The following ERMP1 variants were observed in gnomAD, a reference collection of about 807,000 sequenced individuals.
The protein encoded by ERMP1 is Felix-ina.
ERMP1 carries 86 observed loss-of-function variants against 92.0 expected under a neutral mutation model. That is an observed-to-expected ratio of 0.93 (90% CI 0.79 to 1.12). The LOEUF (loss-of-function observed/expected upper bound fraction) is 1.12. Among genes scored for constraint, ERMP1 ranks in the 50% most tolerant of loss-of-function variants. The probability of loss-of-function intolerance (pLI) is 0.00; values close to 1 mark genes in which losing one functional copy is unlikely to be tolerated. For synonymous variants in ERMP1, 530 were observed against 412.8 expected, an observed-to-expected ratio of 1.28 and a Z score of -3.44; for missense variants, 1,342 against 1,116.3, an observed-to-expected ratio of 1.20 and a Z score of -2.88.
At chr9:5,809,690 T>C (rs973516722) in intron 8 of ERMP1, among the ~76,000 whole-genome samples, 1 of 152,156 alleles carries the variant, frequency 6.6e-6, no homozygotes, top group Non-Finnish European at 1.5e-5. Context: ...GATATTCAAA[T>C]AACATAAATA....
chr9:5,787,181 G>C lies in ERMP1; in HGVS notation c.2678C>G (p.Ser893Cys), dbSNP rs146929158. ...GAGATCGTAGGTGCACACCCAGGCA[G>C]AGGGAAATGTCCAATCTGGGAACTT... Reference protein sequence around the residue: ...KEKFPDWTFPSAWVCTYDLFV... With the variant: ...KEKFPDWTFPCAWVCTYDLFV... The change falls in exon 15 of 15, where the codon TCT becomes TGT. Residue 893 changes from serine to cysteine, a missense_variant. By Grantham distance (112) the Ser-to-Cys change is moderately radical. Transcript: ENST00000339450. 1.2e-6 allele frequency: 2 copies of C among 1,613,994 alleles called. No individual in the cohort carries two copies. The highest frequency in any genetic ancestry group is 1.7e-5 in the Admixed American group (1 of 60,004).
intron 13 of ERMP1, among the ~76,000 whole-genome samples, chr9:5,796,280 T>C (rs1828421098): frequency 1.3e-5 from 2 of 152,222 alleles, no homozygotes; most frequent in Non-Finnish European, 2.9e-5. Flanking sequence ...AGACTGATAC[T>C]ACCCAACTTC....
chr9:5,847,953 C>G (rs577943501), intron 6 of ERMP1, among the ~76,000 whole-genome samples: 5 of 148,222 alleles, frequency 3.4e-5, no homozygotes, highest in Non-Finnish European at 6.0e-5. Context: ...CAGAACAAAA[C>G]AAACCCCGTA....
chr9:5,828,914 G>T (rs1212980854), intron 2 of ERMP1, among the ~76,000 whole-genome samples: 3 of 152,048 alleles, frequency 2.0e-5, no homozygotes, highest in African/African-American at 7.2e-5. Context: ...AGTGGGCAAA[G>T]AGTGACATTT....
intron 4 of ERMP1, among the ~76,000 whole-genome samples, chr9:5,815,173 G>T (rs548922004): frequency 1.3e-5 from 2 of 152,136 alleles, no homozygotes; most frequent in Non-Finnish European, 2.9e-5. Context: ...AATTCAAAAA[G>T]GTCTACAAAC....
At chr9:5,844,809 T>C (rs960089966) in intron 6 of ERMP1, among the ~76,000 whole-genome samples, 2 of 152,178 alleles carry the variant, frequency 1.3e-5, no homozygotes, top group African/African-American at 2.4e-5. Flanking sequence ...GACAGTCAAG[T>C]TTTCTGGTTG....
intron 13 of ERMP1, among the ~76,000 whole-genome samples, chr9:5,797,150 T>A (rs1400439914): frequency 6.6e-6 from 1 of 151,916 alleles, no homozygotes; most frequent in Admixed American, 6.6e-5. Flanking sequence ...CAGCTCAGCC[T>A]CTCAAGTTCT....
chr9:5,860,484 T>C (rs1044613207), intron 5 of ERMP1, among the ~76,000 whole-genome samples: 13 of 152,114 alleles, frequency 8.5e-5, no homozygotes, highest in African/African-American at 2.9e-4. Context: ...AGTAAATGAA[T>C]GAAGCTCAGA....
chr9:5,823,408 G>A (rs1829615649), intron 4 of ERMP1, among the ~76,000 whole-genome samples: 1 of 152,052 alleles, frequency 6.6e-6, no homozygotes, highest in Admixed American at 6.5e-5. Flanking sequence ...TTTAACTCAT[G>A]AAATGATTGA....
At chr9:5,864,517 C>T (rs1563789028) in intron 5 of ERMP1, among the ~76,000 whole-genome samples, 3 of 152,288 alleles carry the variant, frequency 2.0e-5, no homozygotes, top group African/African-American at 4.8e-5. Context: ...ACCTCACCCC[C>T]GTGGGGAGGG....
At chr9:5,809,862 G>C in intron 8 of ERMP1, 149 bp downstream of exon 8, 1 of 601,196 alleles carries the variant, frequency 1.7e-6, no homozygotes, top group East Asian at 2.8e-5. Context: ...AAATCTTTCA[G>C]AAAATTAACA....
rs370888713 is a variant in ERMP1 at position 5,831,040 on chromosome 9, C to G, written c.339-12G>C. 21 of 1,596,030 alleles carry G rather than the reference C, an allele frequency of 1.3e-5. No homozygotes were observed. In the African/African-American group the frequency reaches 2.0e-4, roughly 15 times the overall value. On this transcript the variant is annotated splice_polypyrimidine_tract_variant and intron_variant, in intron 1 of 14. Transcript: ENST00000339450. ...GTTCAAGATAATCCCTGGAAGTAAC[C>G]AAAAGAATAACAAAGGTTTGTAGTT...
At chr9:5,822,579 G>T (rs1290949992) in intron 4 of ERMP1, among the ~76,000 whole-genome samples, 1 of 152,134 alleles carries the variant, frequency 6.6e-6, no homozygotes, top group South Asian at 2.1e-4. Context: ...TCTTAAGAGG[G>T]TGCTACAAAA....
At chr9:5,802,970 T>C (rs1828727742) in intron 10 of ERMP1, among the ~76,000 whole-genome samples, 1 of 152,048 alleles carries the variant, frequency 6.6e-6, no homozygotes, top group African/African-American at 2.4e-5. Context: ...GAGGCGGTGG[T>C]TGCAGGGAGC....
At chr9:5,819,623 AC>A (rs1829453055) in intron 4 of ERMP1, among the ~76,000 whole-genome samples, 1 of 152,034 alleles carries the variant, frequency 6.6e-6, no homozygotes, top group South Asian at 2.1e-4. Context: ...GCCCTGGTTT[AC>A]TATGGCACAT....
upstream of ERMP1, among the ~76,000 whole-genome samples, chr9:5,834,118 C>T (rs1007247670): frequency 6.6e-6 from 1 of 152,188 alleles, no homozygotes; most frequent in Non-Finnish European, 1.5e-5. Context: ...CCTCTGACAC[C>T]AGGATGCTTC....
At chr9:5,794,804 G>A (rs1828347607) in intron 13 of ERMP1, among the ~76,000 whole-genome samples, 1 of 152,062 alleles carries the variant, frequency 6.6e-6, no homozygotes, top group African/African-American at 2.4e-5. Context: ...GGGGTTCATA[G>A]GTGAATTCTA....
In ERMP1 at chr9:5,812,020, C is replaced by T. The variant is rs893877619; in HGVS notation, c.1114+105G>A. 4.3e-6 allele frequency: 3 copies of T among 699,250 alleles called. No individual in the cohort carries two copies. The African/African-American group carries it at 5.4e-5, about 13-fold the overall frequency. 43.3% of individuals were successfully genotyped at this position (699,250 alleles called of 1,614,324 possible). The stretch of plus-strand genomic sequence containing the variant: ...CCAAAGCCCTAGCTCATTCACATTG[C>T]ATACTGCCTCTCTAATGCACAGGCC... On this transcript the variant is annotated intron_variant, in intron 6 of 14. Transcript: ENST00000339450.
At chr9:5,816,087 TA>T (rs1028127834) in intron 4 of ERMP1, among the ~76,000 whole-genome samples, 2 of 151,838 alleles carry the variant, frequency 1.3e-5, no homozygotes, top group Admixed American at 6.6e-5. Context: ...GAAGAGAGGT[TA>T]AAAAAAATGC....
Sources: allele counts gnomAD v4.1 joint callset (sites outside exome capture counted in the v4.1 genomes callset), GRCh38; gene constraint gnomAD v4.1.1; transcripts MANE v1.5; gene names NCBI Gene and HGNC (gene_info 2026-07-23, HGNC 2026-07-21).